USP13: variants seen among roughly 807,000 people sequenced by gnomAD.
USP13 encodes ubiquitin specific peptidase 13.
Under a neutral mutation model 107.8 loss-of-function variants are expected in USP13, and 68 were observed. The ratio of observed to expected loss-of-function variants is 0.63; its 90% CI spans 0.52 to 0.77. The LOEUF is 0.77. USP13 is among the 30% of genes least tolerant of loss of function. The pLI is 0.00. For missense variants in USP13, 945 were observed against 1,093.3 expected, an observed-to-expected ratio of 0.86 and a Z score of 1.91; for synonymous variants, 377 against 389.5, an observed-to-expected ratio of 0.97 and a Z score of 0.38.
At chr3:179,782,724 G>A (rs1196665139) in intron 20 of USP13, among the ~76,000 whole-genome samples, 1 of 152,078 alleles carries the variant, frequency 6.6e-6, no homozygotes, top group Non-Finnish European at 1.5e-5. Flanking sequence ...TTCTTAACTT[G>A]GTAAAATAGT....
chr3:179,703,097 A>G (rs1466777929), intron 4 of USP13, among the ~76,000 whole-genome samples: 1 of 152,236 alleles, frequency 6.6e-6, no homozygotes, highest in Non-Finnish European at 1.5e-5. Flanking sequence ...CCAGCAAGAT[A>G]TATCATCATT....
At position 179,721,759 on chromosome 3, in the gene USP13, T is replaced by C. The variant is rs1713328317; in HGVS notation, c.1088+170T>C. Among the ~76,000 whole-genome samples, 1 of 152,092 alleles carries C rather than the reference T, an allele frequency of 6.6e-6. No homozygotes were observed. The stretch of plus-strand genomic sequence containing the variant: ...GGGTGAGAACACTTGTCAAGTATTA[T>C]GGGGATCAGGTGAGATAAGAAGAGC... On this transcript the variant is annotated intron_variant, in intron 8 of 20. Coordinates refer to ENST00000263966, the MANE Select transcript of USP13 (RefSeq NM_003940.3). This position sits in a 1 kb window ranked among gnomAD's most constrained non-coding sequence, Gnocchi z 4.3.
At chr3:179,765,672 A>G (rs746061395) in intron 18 of USP13, 23 bp from the exon 19 acceptor site, 2 of 1,612,914 alleles carry the variant, frequency 1.2e-6, no homozygotes, top group Non-Finnish European at 1.7e-6. Context: ...TTGTAAAAAC[A>G]TCTGTTTCTT....
At position 179,701,028 on chromosome 3, in the gene USP13, T is replaced by G. The variant is rs749826088; in HGVS notation, c.376T>G (p.Leu126Val). ...CTCAGATCTAGATACTGATGACGATTTAAATAGCGACGATTATGAATATGA... is the reference window on the plus strand; with the variant it reads ...CTCAGATCTAGATACTGATGACGATGTAAATAGCGACGATTATGAATATGA... Reference protein sequence around the residue: ...IFLDLDTDDDLNSDDYEYEDE... With the variant: ...IFLDLDTDDDVNSDDYEYEDE... The change falls in exon 4 of 21, where the codon TTA becomes GTA. Residue 126 changes from leucine (L) to valine (V), a missense_variant. Coordinates refer to ENST00000263966, the MANE Select transcript of USP13 (RefSeq NM_003940.3). 2.5e-6 allele frequency: 4 copies of G among 1,613,652 alleles called. No individual in the cohort carries two copies. In the African/African-American group the frequency reaches 5.3e-5, roughly 22 times the overall value.
intron 5 of USP13, 119 bp downstream of exon 5, chr3:179,707,195 A>C (rs1712752580): frequency 7.7e-7 from 1 of 1,295,000 alleles, no homozygotes; most frequent in Non-Finnish European, 1.0e-6. Flanking sequence ...CCTTTTATTA[A>C]AAGTAAATAT....
At chr3:179,680,917 A>G (rs564335697) in intron 1 of USP13, among the ~76,000 whole-genome samples, 1 of 101,896 alleles carries the variant, frequency 9.8e-6, no homozygotes, top group Non-Finnish European at 2.2e-5. Flanking sequence ...ATCTTTGAAG[A>G]ACCCTTTCCT....
chr3:179,691,289 T>A (rs1409194808), intron 3 of USP13, among the ~76,000 whole-genome samples: 1 of 152,230 alleles, frequency 6.6e-6, no homozygotes, highest in Non-Finnish European at 1.5e-5. Flanking sequence ...TTACAAGATA[T>A]GATCCAGGGT....
At chr3:179,718,653 C>T (rs1303084529) in intron 6 of USP13, among the ~76,000 whole-genome samples, 1 of 152,224 alleles carries the variant, frequency 6.6e-6, no homozygotes, top group East Asian at 1.9e-4. Flanking sequence ...GATTGGATAG[C>T]TTTGGAAAAC....
intron 4 of USP13, among the ~76,000 whole-genome samples, chr3:179,704,517 CCTT>C (rs1448911932): frequency 2.0e-5 from 3 of 152,126 alleles, no homozygotes; most frequent in African/African-American, 7.2e-5. Context: ...TAGATCCTAT[CCTT>C]CTTCAGCTTA....
At chr3:179,752,412 T>C (rs771760050) in intron 14 of USP13, 39 bp downstream of exon 14, 4 of 1,493,992 alleles carry the variant, frequency 2.7e-6, no homozygotes, top group African/African-American at 2.8e-5. Context: ...AAACATCAAA[T>C]GAGCCATTTA....
rs1434985972 is a variant in USP13 at position 179,730,249 on chromosome 3, CA to C, written c.1151del (p.Asn384ThrfsTer4). Reference protein sequence around the residue: ...YSPLDPTQDFNTQMTKLGHGL... With the variant: ...YSPLDPTQDFXTQMTKLGHGL... Reference sequence around the variant, plus strand: ...CGCCTTTAGATCCAACACAAGATTTCAACACACAGATGTAAGTGCCAGATTT... The same window carrying C: ...CGCCTTTAGATCCAACACAAGATTTCACACACAGATGTAAGTGCCAGATTT... On this transcript the variant is annotated frameshift_variant, in exon 9 of 21. Coordinates refer to ENST00000263966, the MANE Select transcript of USP13 (RefSeq NM_003940.3). LOFTEE classifies it high-confidence loss of function. 6.2e-7 allele frequency: 1 copy of C among 1,609,942 alleles called. No individual in the cohort carries two copies. Among genetic ancestry groups the C allele is most frequent in the African/African-American group, 1.4e-5 (1 of 73,866 alleles).
At position 179,759,072 on chromosome 3, in the gene USP13, C is replaced by T. The variant is rs904060354; in HGVS notation, c.1948+1994C>T. Reference sequence around the variant, plus strand: ...CCTCGGCCCACTGCAACCTCTGCCTCCCGGGTTCAAGCAATTCTTCTGCCT... The same window carrying T: ...CCTCGGCCCACTGCAACCTCTGCCTTCCGGGTTCAAGCAATTCTTCTGCCT... On this transcript the variant is annotated intron_variant, in intron 16 of 20. Transcript: ENST00000263966. 2.0e-5 allele frequency among the ~76,000 whole-genome samples: 3 copies of T among 152,200 alleles called. No homozygotes were observed. The South Asian group carries it at 6.2e-4, about 32-fold the overall frequency.
rs1242558635 is a variant in USP13, at chr3:179,653,144, C to A, written c.-82C>A. ...TGCCCGCGCAGCCCGCCCGTCAGCCCGCTCGCTGGCGCCGCCGCCGCCGGC... is the reference window on the plus strand; with the variant it reads ...TGCCCGCGCAGCCCGCCCGTCAGCCAGCTCGCTGGCGCCGCCGCCGCCGGC... On this transcript the variant is annotated 5_prime_UTR_variant, in exon 1 of 21. Transcript: ENST00000263966. This position sits in a 1 kb window ranked among gnomAD's most constrained non-coding sequence, Gnocchi z 4.0. 1 of 1,025,498 alleles carries A rather than the reference C, an allele frequency of 9.8e-7. No homozygotes were observed. The highest frequency in any genetic ancestry group is 1.2e-6 in the Non-Finnish European group (1 of 856,560). The allele number at this position is 1,025,498 out of a possible 1,614,324, so 63.5% of individuals were successfully genotyped here. A position where few individuals can be genotyped will look rare whatever the true frequency, so the allele number is the denominator to read the frequency against.
intron 8 of USP13, among the ~76,000 whole-genome samples, chr3:179,724,670 T>G (rs1247784404): frequency 1.3e-5 from 2 of 152,164 alleles, no homozygotes; most frequent in Non-Finnish European, 2.9e-5. Context: ...AATAAACTGG[T>G]ATACAAATGG....
chr3:179,766,261 A>G (rs1360247574), intron 19 of USP13, among the ~76,000 whole-genome samples: 2 of 152,166 alleles, frequency 1.3e-5, no homozygotes, highest in Non-Finnish European at 2.9e-5. Flanking sequence ...TACAGGCATG[A>G]GCCACCATGC....
At chr3:179,765,901 C>A in intron 19 of USP13, 53 bp downstream of exon 19, 1 of 1,566,900 alleles carries the variant, frequency 6.4e-7, no homozygotes, top group South Asian at 1.2e-5. Flanking sequence ...ACGTTCAGCT[C>A]ATGCCCTTCC....
At position 179,788,074 on chromosome 3, in the gene USP13, A is replaced by G. The variant is rs1715962690; in HGVS notation, c.*3933A>G. On this transcript the variant is annotated 3_prime_UTR_variant, in exon 21 of 21. Transcript: ENST00000263966. ...TTTTGAAATTCTGGAAGAGGATGGG[A>G]AACAAAATTCTAATTTAGCTAGAGC... is the stretch of plus-strand genomic sequence containing the variant. 1 of 152,198 alleles carries G rather than the reference A, an allele frequency of 6.6e-6. No individual in the cohort carries two copies. The highest frequency in any genetic ancestry group is 2.1e-4 in the South Asian group (1 of 4,832). 9.4% of individuals were successfully genotyped at this position (152,198 alleles called of 1,614,324 possible).
At position 179,760,986 on chromosome 3, in the gene USP13, C is replaced by T. The variant is rs899205360; in HGVS notation, c.1949-126C>T. On this transcript the variant is annotated intron_variant, in intron 16 of 20. Transcript: ENST00000263966. ...TAAAACAAAACTAAACAAAGTAAAA[C>T]CATTATCTACACCCAACAGAATAGC... 3 of 1,199,308 alleles carry T rather than the reference C, an allele frequency of 2.5e-6. No individual in the cohort carries two copies. The African/African-American group carries it at 4.6e-5, about 18-fold the overall frequency. 74.3% of individuals were successfully genotyped at this position (1,199,308 alleles called of 1,614,324 possible).
chr3:179,741,125 T>C (rs1714181695), intron 11 of USP13, among the ~76,000 whole-genome samples: 1 of 151,368 alleles, frequency 6.6e-6, no homozygotes, highest in African/African-American at 2.4e-5. Context: ...TTGTGGAAAA[T>C]ATAGAAAACA....
Sources: gnomAD v4.1 joint callset for allele counts (sites outside exome capture counted in the v4.1 genomes callset) on GRCh38, gnomAD v4.1.1 for gene constraint, Gnocchi (gnomAD v3.1) non-coding constraint, MANE v1.5 for transcripts, NCBI Gene and HGNC (gene_info 2026-07-23, HGNC 2026-07-21) for gene names.